PKN2: variants seen among roughly 807,000 people sequenced by gnomAD.
PKN2 encodes the protein protein kinase N2, also known as serine/threonine-protein kinase N2.
PKN2 carries 38 observed loss-of-function variants against 119.1 expected under a neutral mutation model. The observed-to-expected ratio is 0.32, with a 90% CI of 0.25 to 0.42. PKN2 has a LOEUF of 0.42. Ranked by LOEUF, PKN2 falls within the 10% of genes least tolerant of loss-of-function variation. PKN2 has a pLI of 1.00. For missense variants in PKN2, 850 were observed against 1,165.1 expected (o/e 0.73, Z 3.94); for synonymous variants, 390 against 384.9 (o/e 1.01, Z -0.15).
intron 8 of PKN2, among the ~76,000 whole-genome samples, chr1:88,800,195 T>A (rs974349863): frequency 3.9e-5 from 6 of 152,214 alleles, no homozygotes; most frequent in African/African-American, 1.4e-4. Context: ...CCTTGTAATG[T>A]TTCTGCAGTG....
At chr1:88,779,814 G>T (rs1004167299) in intron 6 of PKN2, among the ~76,000 whole-genome samples, 3 of 152,078 alleles carry the variant, frequency 2.0e-5, no homozygotes, top group African/African-American at 7.2e-5. Flanking sequence ...GTTAAACTTC[G>T]CTGTTGCCAC....
At chr1:88,809,390 G>A (rs532174427) in intron 15 of PKN2, among the ~76,000 whole-genome samples, 1 of 152,258 alleles carries the variant, frequency 6.6e-6, no homozygotes, top group South Asian at 2.1e-4. Flanking sequence ...TTCCTTTCCT[G>A]AAGGAATATT....
At chr1:88,687,767 T>C (rs868726036) in intron 1 of PKN2, among the ~76,000 whole-genome samples, 1 of 152,214 alleles carries the variant, frequency 6.6e-6, no homozygotes, top group Non-Finnish European at 1.5e-5. Context: ...CAAACAGTTA[T>C]GTAGTATCTA....
intron 1 of PKN2, among the ~76,000 whole-genome samples, chr1:88,695,268 G>T (rs1041888399): frequency 6.6e-6 from 1 of 151,982 alleles, no homozygotes. Flanking sequence ...AATCAAATAT[G>T]ATTAATTAAA....
At chr1:88,827,643 C>CTTCCCT in intron 18 of PKN2, among the ~76,000 whole-genome samples, 2 of 145,794 alleles carry the variant, frequency 1.4e-5, no homozygotes, top group African/African-American at 5.1e-5. Flanking sequence ...CCTTCCCTCC[C>CTTCCCT]CTCTTCTCCC....
chr1:88,806,926 C>G (rs1671565059), intron 12 of PKN2, among the ~76,000 whole-genome samples: 1 of 152,026 alleles, frequency 6.6e-6, no homozygotes, highest in African/African-American at 2.4e-5. Flanking sequence ...CCATGTTGGT[C>G]AGGCTGCTCT....
chr1:88,756,423 T>C (rs2100773621), intron 2 of PKN2, among the ~76,000 whole-genome samples: 1 of 152,310 alleles, frequency 6.6e-6, no homozygotes, highest in East Asian at 1.9e-4. Flanking sequence ...TTCTCTGTCT[T>C]GTGGGGAAAT....
intron 1 of PKN2, among the ~76,000 whole-genome samples, chr1:88,727,847 T>C (rs899997927): frequency 2.0e-5 from 3 of 152,212 alleles, no homozygotes; most frequent in African/African-American, 4.8e-5. Context: ...GACCACCTAC[T>C]CTTGCCAGAT....
intron 3 of PKN2, among the ~76,000 whole-genome samples, chr1:88,764,905 GTTGTTA>G (rs1669597152): frequency 6.6e-6 from 1 of 151,934 alleles, no homozygotes; most frequent in East Asian, 1.9e-4. Flanking sequence ...CCTGTTTTTT[GTTGTTA>G]TTGTTGTTTT....
chr1:88,719,954 G>A (rs1445750881), intron 1 of PKN2, among the ~76,000 whole-genome samples: 1 of 152,178 alleles, frequency 6.6e-6, no homozygotes, highest in Non-Finnish European at 1.5e-5. Context: ...TATTGAGTGT[G>A]TAGTGTGCCA....
chr1:88,813,800 A>G, intron 16 of PKN2, 67 bp downstream of exon 16: 1 of 1,298,746 alleles, frequency 7.7e-7, no homozygotes, highest in Non-Finnish European at 1.1e-6. Flanking sequence ...AGGAAAAGAG[A>G]TTCTTTGAAT....
intron 2 of PKN2, among the ~76,000 whole-genome samples, chr1:88,742,943 C>G (rs558898147): frequency 1.3e-5 from 2 of 152,140 alleles, no homozygotes; most frequent in Non-Finnish European, 2.9e-5. Context: ...ATAATCCTAG[C>G]ACTTTGGGAG....
chr1:88,805,270 T>G (rs369435647), intron 10 of PKN2, among the ~76,000 whole-genome samples: 1 of 145,844 alleles, frequency 6.9e-6, no homozygotes, highest in African/African-American at 2.7e-5. Flanking sequence ...ACCTTACTAC[T>G]AGACTTAAAG....
At position 88,768,576 on chromosome 1, in the gene PKN2, A is replaced by G. The variant is rs151142063; in HGVS notation, c.505-1776A>G. Reference sequence around the variant, plus strand: ...AATCTCTGTATTTTAAGGTCAAATGATTAACAACCTTAATTCCATTTGCTA... The same window carrying G: ...AATCTCTGTATTTTAAGGTCAAATGGTTAACAACCTTAATTCCATTTGCTA... On this transcript the variant is annotated intron_variant, in intron 3 of 21. Coordinates refer to ENST00000370521, the MANE Select transcript of PKN2 (RefSeq NM_006256.4). Among the ~76,000 whole-genome samples, 374 of 152,338 alleles carry G rather than the reference A, an allele frequency of 2.5e-3. 1 individual carries two copies. Among genetic ancestry groups the G allele is most frequent in the African/African-American group, 8.7e-3 (362 of 41,578 alleles).
rs1334192780 is a variant in PKN2 at position 88,770,419 on chromosome 1, G to A, written c.572G>A (p.Arg191Gln). ...QDSKTKIEVI[R>Q]MQILQAVQTN... ...AGCAAGACAAAAATAGAAGTCATAC[G>A]AATGCAGATTCTTCAGGCAGTCCAG... The change falls in exon 4 of 22, where the codon CGA becomes CAA. Residue 191 changes from arginine (R) to glutamine (Q), a missense_variant. By Grantham distance (43) the Arg-to-Gln change is conservative. Transcript: ENST00000370521. The A allele has an allele frequency of 1.2e-6, 2 of 1,613,202 alleles. No homozygotes were observed. The highest frequency in any genetic ancestry group is 1.7e-5 in the Admixed American group (1 of 60,014).
rs1271969536 is a variant in PKN2 at position 88,813,786 on chromosome 1, G to C, written c.2279+53G>C. 5 of 1,385,680 alleles carry C rather than the reference G, an allele frequency of 3.6e-6. No individual in the cohort carries two copies. In the African/African-American group the frequency reaches 4.5e-5, roughly 13 times the overall value. The allele number at this position is 1,385,680 out of a possible 1,614,324, so 85.8% of individuals were successfully genotyped here. On this transcript the variant is annotated intron_variant, in intron 16 of 21. Coordinates refer to ENST00000370521, the MANE Select transcript of PKN2 (RefSeq NM_006256.4). ...GTTTTTCCATGACTGATTTCATTCTGGGAAGGAAAAGAGATTCTTTGAATT... is the reference window on the plus strand; with the variant it reads ...GTTTTTCCATGACTGATTTCATTCTCGGAAGGAAAAGAGATTCTTTGAATT...
intron 1 of PKN2, among the ~76,000 whole-genome samples, chr1:88,730,029 G>A (rs949109460): frequency 6.6e-6 from 1 of 152,100 alleles, no homozygotes; most frequent in Non-Finnish European, 1.5e-5. Context: ...GCCGGGTGTG[G>A]TGGTGGGCGC....
At chr1:88,714,163 C>A (rs1306276510) in intron 1 of PKN2, among the ~76,000 whole-genome samples, 1 of 152,096 alleles carries the variant, frequency 6.6e-6, no homozygotes, top group East Asian at 1.9e-4. Context: ...GTACCAGTAC[C>A]GTGCTGTTTT....
chr1:88,704,226 G>C (rs1666883201), intron 1 of PKN2, among the ~76,000 whole-genome samples: 1 of 152,104 alleles, frequency 6.6e-6, no homozygotes, highest in Non-Finnish European at 1.5e-5. Context: ...TATACAAAAA[G>C]AATTATACAG....
Sources: gnomAD v4.1 joint callset for allele counts (sites outside exome capture counted in the v4.1 genomes callset) on GRCh38, gnomAD v4.1.1 for gene constraint, MANE v1.5 for transcripts, NCBI Gene and HGNC (gene_info 2026-07-23, HGNC 2026-07-21) for gene names.